The following PGM5 variants were observed in gnomAD, a reference collection of about 807,000 sequenced individuals.
PGM5 encodes the protein phosphoglucomutase-like protein 5.
Under a neutral mutation model 59.2 loss-of-function variants are expected in PGM5, and 23 were observed. That is an observed-to-expected ratio of 0.39 (90% CI 0.28 to 0.55). The LOEUF (loss-of-function observed/expected upper bound fraction) is 0.55, where lower values mean the gene tolerates loss of function less well. Among genes scored for constraint, PGM5 ranks in the 20% least tolerant of loss-of-function variants. PGM5 has a pLI of 0.66. For synonymous variants in PGM5, 214 were observed against 286.0 expected, an observed-to-expected ratio of 0.75 and a Z score of 2.54; for missense variants, 574 against 748.3, an observed-to-expected ratio of 0.77 and a Z score of 2.72.
At chr9:68,420,034 C>T (rs782243875) in intron 6 of PGM5, among the ~76,000 whole-genome samples, 2 of 152,154 alleles carry the variant, frequency 1.3e-5, no homozygotes, top group Non-Finnish European at 2.9e-5. Flanking sequence ...GTGTTTGGAC[C>T]TGTCACTGCT....
intron 6 of PGM5, among the ~76,000 whole-genome samples, chr9:68,440,186 T>C (rs1463691529): frequency 2.0e-5 from 3 of 152,192 alleles, no homozygotes; most frequent in African/African-American, 7.2e-5. Context: ...ATAGATCTGA[T>C]GGAAAATCAG....
chr9:68,440,347 T>A (rs1466990153), intron 6 of PGM5, among the ~76,000 whole-genome samples: 1 of 152,056 alleles, frequency 6.6e-6, no homozygotes, highest in Non-Finnish European at 1.5e-5. Flanking sequence ...ACAAACAAAC[T>A]AACTAAATGT....
At chr9:68,381,128 T>TA (rs1234021872) in intron 2 of PGM5, among the ~76,000 whole-genome samples, 49 of 151,962 alleles carry the variant, frequency 3.2e-4, no homozygotes, top group African/African-American at 1.0e-3. Context: ...AAACATATTG[T>TA]AAGAAAATAA....
Position 68,390,414 on chromosome 9 carries a change from A to C in PGM5, c.698-1120A>C, listed in dbSNP as rs2260646. 1.9e-3 allele frequency among the ~76,000 whole-genome samples: 288 copies of C among 152,304 alleles called. 2 individuals carry two copies. The highest frequency in any genetic ancestry group is 6.5e-3 in the African/African-American group (272 of 41,582). On this transcript the variant is annotated intron_variant, in intron 4 of 10. Coordinates refer to ENST00000396396, the MANE Select transcript of PGM5 (RefSeq NM_021965.4). ...GATGGAGGACGCTGATTGCGCAGAC[A>C]TAGGTCACCTCCTTAGCCTTGGGGA...
At chr9:68,506,831 G>C (rs1216421507) in intron 10 of PGM5, among the ~76,000 whole-genome samples, 1 of 152,130 alleles carries the variant, frequency 6.6e-6, no homozygotes, top group Non-Finnish European at 1.5e-5. Context: ...GTGTGTATGA[G>C]AGCAAGATTT....
intron 4 of PGM5, among the ~76,000 whole-genome samples, chr9:68,389,449 C>T (rs1419989897): frequency 3.3e-5 from 5 of 152,050 alleles, no homozygotes; most frequent in Non-Finnish European, 7.4e-5. Flanking sequence ...GCTTTCTGCC[C>T]CCATAGTTTT....
chr9:68,376,831 T>TTG (rs1475787575), intron 1 of PGM5, among the ~76,000 whole-genome samples: 36 of 90,872 alleles, frequency 4.0e-4, no homozygotes, highest in African/African-American at 1.5e-3. Flanking sequence ...CTTTCTTTCT[T>TTG]TCTCTTTCTT....
intron 10 of PGM5, among the ~76,000 whole-genome samples, chr9:68,516,523 T>A (rs1336583022): frequency 1.3e-5 from 2 of 152,212 alleles, no homozygotes; most frequent in Non-Finnish European, 2.9e-5. Flanking sequence ...ACAGAGAGAC[T>A]GTGAACTCTT....
intron 2 of PGM5, among the ~76,000 whole-genome samples, chr9:68,383,641 A>G (rs1554678551): frequency 1.3e-5 from 2 of 150,874 alleles, no homozygotes; most frequent in Admixed American, 1.3e-4. Flanking sequence ...ACATCTAGCG[A>G]TCATTTATAC....
intron 9 of PGM5, among the ~76,000 whole-genome samples, chr9:68,496,260 G>C (rs118171096): frequency 6.6e-6 from 1 of 152,166 alleles, no homozygotes; most frequent in Non-Finnish European, 1.5e-5. Flanking sequence ...AACATGGCTC[G>C]TGTCTGGGTT....
At chr9:68,467,167 C>T (rs1302213652) in intron 7 of PGM5, among the ~76,000 whole-genome samples, 5 of 152,056 alleles carry the variant, frequency 3.3e-5, no homozygotes, top group African/African-American at 1.2e-4. Context: ...TTTGTGAGGA[C>T]CCAGTGGAAA....
chr9:68,450,773 T>C (rs1229513606), intron 6 of PGM5, among the ~76,000 whole-genome samples: 7 of 152,210 alleles, frequency 4.6e-5, no homozygotes, highest in Admixed American at 4.6e-4. Context: ...TCAGAGAAAC[T>C]CAGTCAATAG....
Position 68,391,685 on chromosome 9 carries a change from A to C in PGM5, c.849A>C (p.Gly283=), listed in dbSNP as rs781793853. ...CGACTCTTCTGGAAGCAATGAAAGG[A>C]GGAGAATATGGATTTGGAGCTGCAT... ...YATTLLEAMK[G]GEYGFGAAFD... Residue 283 remains glycine, a synonymous_variant, in exon 5 of 11, where the codon GGA becomes GGC. Transcript: ENST00000396396. 6.2e-7 allele frequency: 1 copy of C among 1,613,134 alleles called. No homozygotes were observed. Among genetic ancestry groups the C allele is most frequent in the South Asian group, 1.1e-5 (1 of 91,060 alleles).
chr9:68,389,860 A>G (rs1451700577), intron 4 of PGM5, among the ~76,000 whole-genome samples: 1 of 152,114 alleles, frequency 6.6e-6, no homozygotes, highest in Non-Finnish European at 1.5e-5. Context: ...ACCACTGGCA[A>G]TGCATGAGGG....
chr9:68,410,554 A>T (rs1822910147), intron 6 of PGM5, among the ~76,000 whole-genome samples: 1 of 151,848 alleles, frequency 6.6e-6, no homozygotes, highest in South Asian at 2.1e-4. Context: ...GATGAGGATG[A>T]TGATGAGGAG....
intron 6 of PGM5, chr9:68,399,066 T>C (rs1161100927): frequency 1.3e-5 from 2 of 152,200 alleles, no homozygotes; most frequent in East Asian, 3.8e-4. Flanking sequence ...TATAAGAGAT[T>C]GTATTTGATT....
intron 9 of PGM5, among the ~76,000 whole-genome samples, chr9:68,486,573 A>G (rs1824300036): frequency 6.6e-6 from 1 of 152,124 alleles, no homozygotes; most frequent in African/African-American, 2.4e-5. Context: ...TTATTGTAAT[A>G]TTTTCAGGGT....
intron 6 of PGM5, among the ~76,000 whole-genome samples, chr9:68,454,676 ACT>A: frequency 6.6e-6 from 1 of 152,230 alleles, no homozygotes; most frequent in Non-Finnish European, 1.5e-5. Context: ...AGGTTAAGTA[ACT>A]TGGCCAAGGT....
intron 10 of PGM5, among the ~76,000 whole-genome samples, chr9:68,527,087 C>T (rs1402455493): frequency 6.6e-6 from 1 of 152,214 alleles, no homozygotes; most frequent in East Asian, 1.9e-4. Flanking sequence ...GGAAAGCACG[C>T]GTTAGTTTGT....
Sources: gnomAD v4.1 joint callset for allele counts (sites outside exome capture counted in the v4.1 genomes callset) on GRCh38, gnomAD v4.1.1 for gene constraint, MANE v1.5 for transcripts, NCBI Gene and HGNC (gene_info 2026-07-23, HGNC 2026-07-21) for gene names.